SORL1: variants seen among roughly 807,000 people sequenced by gnomAD.
The protein encoded by SORL1 is sortilin related receptor 1, also known as sortilin-related receptor.
In SORL1, 127 loss-of-function variants were observed where a neutral mutation model predicts 273.7. That is an observed-to-expected ratio of 0.46 (90% CI 0.40 to 0.54). The LOEUF is 0.54. Among genes scored for constraint, SORL1 ranks in the 20% least tolerant of loss-of-function variants. The pLI is 0.00. For synonymous variants in SORL1, 1,031 were observed against 1,067.4 expected (o/e 0.97, Z 0.66); for missense variants, 2,494 against 2,846.1 (o/e 0.88, Z 2.81).
intron 32 of SORL1, among the ~76,000 whole-genome samples, chr11:121,599,751 A>G (rs973532098): frequency 6.7e-6 from 1 of 149,510 alleles, no homozygotes; most frequent in Non-Finnish European, 1.5e-5. Context: ...AATATAATTA[A>G]TTCTCCTGCT....
At chr11:121,459,206 T>C (rs1481310426) in intron 1 of SORL1, among the ~76,000 whole-genome samples, 1 of 152,260 alleles carries the variant, frequency 6.6e-6, no homozygotes, top group African/African-American at 2.4e-5. Flanking sequence ...GTGTCTTTCA[T>C]TTAATTTTAA....
intron 12 of SORL1, among the ~76,000 whole-genome samples, chr11:121,537,937 A>G (rs1326171125): frequency 6.6e-6 from 1 of 152,196 alleles, no homozygotes; most frequent in African/African-American, 2.4e-5. Flanking sequence ...CCATTTCATG[A>G]TGAATATCCT....
intron 21 of SORL1, among the ~76,000 whole-genome samples, chr11:121,560,923 A>C (rs1469420298): frequency 6.6e-6 from 1 of 152,204 alleles, no homozygotes; most frequent in Non-Finnish European, 1.5e-5. Context: ...TTCTGCCGCT[A>C]AATGGAGAAG....
chr11:121,466,173 C>T (rs1861079479), intron 1 of SORL1, among the ~76,000 whole-genome samples: 1 of 152,140 alleles, frequency 6.6e-6, no homozygotes, highest in Non-Finnish European at 1.5e-5. Context: ...CCAGCTATGC[C>T]CTGTGAGCTA....
At chr11:121,597,725 G>T (rs1863319815) in intron 32 of SORL1, among the ~76,000 whole-genome samples, 1 of 152,196 alleles carries the variant, frequency 6.6e-6, no homozygotes, top group Admixed American at 6.5e-5. Flanking sequence ...CTCCCAAAGT[G>T]CTGGGATTAC....
intron 24 of SORL1, among the ~76,000 whole-genome samples, chr11:121,576,493 T>C (rs1356717710): frequency 1.3e-5 from 2 of 152,254 alleles, no homozygotes; most frequent in Non-Finnish European, 2.9e-5. Flanking sequence ...ACATTGGTGA[T>C]TAAGTTTCAA....
intron 21 of SORL1, among the ~76,000 whole-genome samples, chr11:121,566,374 A>T (rs1175888233): frequency 6.6e-6 from 1 of 152,120 alleles, no homozygotes; most frequent in Admixed American, 6.5e-5. Flanking sequence ...AATTAAAAAA[A>T]AAAATTTTTT....
intron 41 of SORL1, among the ~76,000 whole-genome samples, chr11:121,618,015 G>A (rs1288786805): frequency 6.6e-6 from 1 of 152,146 alleles, no homozygotes; most frequent in African/African-American, 2.4e-5. Context: ...CTCACCTCAT[G>A]GTACAAGAGG....
chr11:121,457,398 C>T (rs941630917), intron 1 of SORL1, among the ~76,000 whole-genome samples: 12 of 152,090 alleles, frequency 7.9e-5, no homozygotes, highest in Non-Finnish European at 1.3e-4. Context: ...GGGTGGCATC[C>T]GTTGTTATCA....
intron 12 of SORL1, among the ~76,000 whole-genome samples, chr11:121,534,853 C>T (rs1291907535): frequency 1.3e-5 from 2 of 152,240 alleles, no homozygotes; most frequent in Non-Finnish European, 2.9e-5. Context: ...CCTCCCCAGT[C>T]ACAGAGATCT....
chr11:121,623,805 A>G (rs1221504229), intron 45 of SORL1, among the ~76,000 whole-genome samples: 1 of 152,202 alleles, frequency 6.6e-6, no homozygotes, highest in East Asian at 1.9e-4. Flanking sequence ...TAGGCATAGC[A>G]TGTCCTTCTT....
intron 5 of SORL1, among the ~76,000 whole-genome samples, chr11:121,493,095 C>T (rs1298615729): frequency 2.0e-5 from 3 of 152,102 alleles, no homozygotes; most frequent in Admixed American, 6.5e-5. Context: ...CCTCCCACCT[C>T]ACCCTCTCAA....
chr11:121,588,597 G>T (rs771816310), intron 28 of SORL1, among the ~76,000 whole-genome samples: 1 of 152,150 alleles, frequency 6.6e-6, no homozygotes, highest in Non-Finnish European at 1.5e-5. Context: ...AGGAGCAGGG[G>T]CTTGTTTTGT....
At chr11:121,588,700 A>G (rs1863159894) in intron 28 of SORL1, among the ~76,000 whole-genome samples, 1 of 152,242 alleles carries the variant, frequency 6.6e-6, no homozygotes, top group African/African-American at 2.4e-5. Context: ...ACCACAGACC[A>G]GATGGCTCAA....
intron 12 of SORL1, among the ~76,000 whole-genome samples, chr11:121,536,605 C>T (rs1365815566): frequency 4.1e-5 from 6 of 147,726 alleles, no homozygotes; most frequent in African/African-American, 1.2e-4. Context: ...AGACAGGTTT[C>T]GCCATGTTGC....
chr11:121,612,568 G>T (rs560371110), intron 39 of SORL1, 168 bp from the exon 40 acceptor site: 2 of 525,094 alleles, frequency 3.8e-6, no homozygotes, highest in South Asian at 5.0e-5. Flanking sequence ...TTAGCTAATG[G>T]TAGCACAAGT....
chr11:121,570,971 G>T (rs1227590709), intron 23 of SORL1, among the ~76,000 whole-genome samples: 1 of 152,168 alleles, frequency 6.6e-6, no homozygotes, highest in Non-Finnish European at 1.5e-5. Context: ...CTTATAAGGA[G>T]ATGATTTGCC....
chr11:121,583,576 C>G lies in SORL1; in HGVS notation c.3699C>G (p.Val1233=). Reference sequence around the variant, plus strand: ...AGGATGGTTCCGATGAGGATCCAGTCAACTGTGGTAAATGCAAATTCCCCA... The same window carrying G: ...AGGATGGTTCCGATGAGGATCCAGTGAACTGTGGTAAATGCAAATTCCCCA... ...DCQDGSDEDP[V]NCEKKCNGFR... The change falls in exon 26 of 48, where the codon GTC becomes GTG. Residue 1233 remains valine (V), a synonymous_variant. Coordinates refer to ENST00000260197, the MANE Select transcript of SORL1 (RefSeq NM_003105.6). The G allele has an allele frequency of 6.2e-7, 1 of 1,607,672 alleles. No homozygotes were observed. Among genetic ancestry groups the G allele is most frequent in the South Asian group, 1.1e-5 (1 of 90,320 alleles).
At position 121,607,274 on chromosome 11, in the gene SORL1, C is replaced by G; in HGVS notation, c.5150C>G (p.Thr1717Ser). ...GAAATCAAGAACTTATTGGTCAACA[C>G]TCTATACACCGTCAGAGTGAGTGTC... ...FTEIKNLLVN[T>S]LYTVRVAAVT... The change falls in exon 37 of 48, where the codon ACT becomes AGT. Residue 1717 changes from threonine to serine, a missense_variant. Transcript: ENST00000260197. 1 of 1,591,976 alleles carries G rather than the reference C, an allele frequency of 6.3e-7. No individual in the cohort carries two copies. The highest frequency in any genetic ancestry group is 8.6e-7 in the Non-Finnish European group (1 of 1,160,002).
Sources: gnomAD v4.1 joint callset for allele counts (sites outside exome capture counted in the v4.1 genomes callset) on GRCh38, gnomAD v4.1.1 for gene constraint, MANE v1.5 for transcripts, NCBI Gene and HGNC (gene_info 2026-07-23, HGNC 2026-07-21) for gene names.